Variants in WDPCP observed in about 807,000 individuals in gnomAD.
WDPCP encodes the protein WD repeat-containing and planar cell polarity effector protein fritz homolog.
In WDPCP, 71 loss-of-function variants were observed where a neutral mutation model predicts 93.1. That is an observed-to-expected ratio of 0.76 (90% CI 0.63 to 0.93). The LOEUF is 0.93. Ranked by LOEUF, WDPCP falls within the 40% of genes least tolerant of loss-of-function variation. The probability of loss-of-function intolerance (pLI) is 0.00; values close to 1 mark genes in which losing one functional copy is unlikely to be tolerated. For missense variants in WDPCP, 844 were observed against 887.4 expected, an observed-to-expected ratio of 0.95 and a Z score of 0.62; for synonymous variants, 315 against 315.0, an observed-to-expected ratio of 1.00 and a Z score of 0.00.
chr2:63,754,075 G>A (rs1669921366), intron 2 of WDPCP, among the ~76,000 whole-genome samples: 1 of 152,226 alleles, frequency 6.6e-6, no homozygotes, highest in Non-Finnish European at 1.5e-5. Flanking sequence ...AGAAGGGAGG[G>A]ATCTGAAATA....
chr2:63,705,098 A>T (rs1311405888), intron 2 of WDPCP, among the ~76,000 whole-genome samples: 1 of 152,174 alleles, frequency 6.6e-6, no homozygotes, highest in Non-Finnish European at 1.5e-5. Context: ...AGGTGTTTAT[A>T]GTATTCTCTG....
chr2:63,370,208 C>A (rs1191762886), intron 12 of WDPCP, among the ~76,000 whole-genome samples: 1 of 152,080 alleles, frequency 6.6e-6, no homozygotes, highest in Non-Finnish European at 1.5e-5. Flanking sequence ...AGCCCTTATA[C>A]CCATGGTATT....
the WDPCP span, among the ~76,000 whole-genome samples, chr2:63,835,224 C>G: frequency 6.7e-6 from 1 of 149,804 alleles, no homozygotes; most frequent in African/African-American, 2.5e-5. Context: ...CTGTCTCTAC[C>G]AAAAAAAATA....
At chr2:63,488,047 ATTCGGACAC>A (rs1422832294) in intron 2 of WDPCP, among the ~76,000 whole-genome samples, 6 of 152,126 alleles carry the variant, frequency 3.9e-5, no homozygotes, top group African/African-American at 1.4e-4. Flanking sequence ...CTAAACCTAA[ATTCGGACAC>A]TTTGCTGGGG....
chr2:63,597,200 AAAAT>A (rs1378840559), intron 3 of WDPCP: 2 of 852,402 alleles, frequency 2.3e-6, no homozygotes, highest in African/African-American at 1.8e-5. Context: ...CAGGAAAAGC[AAAAT>A]AAATCTATTG....
intron 3 of WDPCP, among the ~76,000 whole-genome samples, chr2:63,626,000 A>G (rs908723049): frequency 4.6e-5 from 7 of 152,200 alleles, no homozygotes; most frequent in Non-Finnish European, 1.0e-4. Context: ...ATATAGACCT[A>G]TGGAACAGAA....
Position 63,369,499 on chromosome 2 carries a change from C to T in WDPCP, c.1748+8887G>A, listed in dbSNP as rs1181042124. The T allele has an allele frequency of 1.1e-5, 5 of 456,340 alleles. No individual in the cohort carries two copies. In the East Asian group the frequency reaches 3.5e-4, roughly 32 times the overall value. The allele number at this position is 456,340 out of a possible 1,614,324, so 28.3% of individuals were successfully genotyped here. On this transcript the variant is annotated intron_variant, in intron 12 of 17. Transcript: ENST00000272321. The stretch of plus-strand genomic sequence containing the variant: ...AGAGAAGACAGCGAGGAGTTACAAG[C>T]AAAAGAAAATGAGAGTAATAAACAA...
At chr2:63,751,080 C>T (rs896017502) in intron 2 of WDPCP, among the ~76,000 whole-genome samples, 1 of 152,034 alleles carries the variant, frequency 6.6e-6, no homozygotes, top group African/African-American at 2.4e-5. Flanking sequence ...ATCAGTGAAA[C>T]CATCTGAATC....
At chr2:63,467,295 C>A (rs895381069) in intron 6 of WDPCP, among the ~76,000 whole-genome samples, 4 of 151,460 alleles carry the variant, frequency 2.6e-5, no homozygotes, top group Non-Finnish European at 2.9e-5. Flanking sequence ...GCCTGGCCAG[C>A]ATGGTGAAAC....
intron 14 of WDPCP, among the ~76,000 whole-genome samples, chr2:63,179,761 GTTGT>G (rs1445273588): frequency 1.3e-5 from 2 of 152,024 alleles, no homozygotes; most frequent in Non-Finnish European, 2.9e-5. Context: ...TCTTTGACCT[GTTGT>G]TTAAGAGTGC....
chr2:63,834,519 G>A, the WDPCP span, among the ~76,000 whole-genome samples: 10 of 152,198 alleles, frequency 6.6e-5, no homozygotes, highest in African/African-American at 2.4e-4. Flanking sequence ...ATGACTTAAC[G>A]CTGTGAAGCA....
intron 2 of WDPCP, among the ~76,000 whole-genome samples, chr2:63,716,644 G>C (rs777521834): frequency 1.3e-5 from 2 of 152,164 alleles, no homozygotes; most frequent in Non-Finnish European, 2.9e-5. Context: ...GAAGAGGTTG[G>C]GGTGTGCAGT....
chr2:63,674,388 A>G (rs1176078484), intron 2 of WDPCP, among the ~76,000 whole-genome samples: 1 of 152,220 alleles, frequency 6.6e-6, no homozygotes, highest in Non-Finnish European at 1.5e-5. Context: ...TTCCTGAAAA[A>G]GAAAAGCTAC....
intron 14 of WDPCP, among the ~76,000 whole-genome samples, chr2:63,176,643 A>G (rs893258274): frequency 3.3e-5 from 5 of 152,166 alleles, no homozygotes; most frequent in African/African-American, 1.2e-4. Context: ...TAGTCTAGAT[A>G]TTAATGCTTT....
chr2:63,389,988 G>A (rs1229558601), intron 10 of WDPCP, among the ~76,000 whole-genome samples: 1 of 152,140 alleles, frequency 6.6e-6, no homozygotes, highest in African/African-American at 2.4e-5. Flanking sequence ...ACAGATCAAT[G>A]AGATAGAAGG....
At chr2:63,192,538 C>T (rs189240097) in intron 14 of WDPCP, among the ~76,000 whole-genome samples, 2 of 152,186 alleles carry the variant, frequency 1.3e-5, no homozygotes, top group East Asian at 1.9e-4. Context: ...GTATCATTAC[C>T]CCATTTGCAG....
chr2:63,439,664 C>A (rs148824149), intron 7 of WDPCP, 93 bp downstream of exon 7: 3 of 1,098,010 alleles, frequency 2.7e-6, no homozygotes, highest in Non-Finnish European at 4.2e-6. Context: ...GTTTGCAAGT[C>A]CCCAGTGGTA....
chr2:63,620,139 A>G (rs1226441964), intron 3 of WDPCP, among the ~76,000 whole-genome samples: 2 of 151,908 alleles, frequency 1.3e-5, no homozygotes, highest in Non-Finnish European at 2.9e-5. Flanking sequence ...TTTTTTTCCT[A>G]CCCCAGTGGC....
At chr2:63,444,004 G>A (rs540242857) in intron 6 of WDPCP, among the ~76,000 whole-genome samples, 13 of 152,246 alleles carry the variant, frequency 8.5e-5, no homozygotes, top group Non-Finnish European at 1.3e-4. Context: ...TACATAATCA[G>A]AAATGTGTCT....
Sources: gnomAD v4.1 joint callset for allele counts (sites outside exome capture counted in the v4.1 genomes callset) on GRCh38, gnomAD v4.1.1 for gene constraint, MANE v1.5 for transcripts, NCBI Gene and HGNC (gene_info 2026-07-23, HGNC 2026-07-21) for gene names.